PCSK7: variants seen among roughly 807,000 people sequenced by gnomAD.
PCSK7 encodes proprotein convertase subtilisin/kexin type 7, also known as lymphoma proprotein convertase.
PCSK7 carries 38 observed loss-of-function variants against 73.3 expected under a neutral mutation model. The ratio of observed to expected loss-of-function variants is 0.52; its 90% CI spans 0.40 to 0.68. The LOEUF (loss-of-function observed/expected upper bound fraction) is 0.68. PCSK7 is among the 30% of genes least tolerant of loss of function. The pLI is 0.00. For synonymous variants in PCSK7, 296 were observed against 383.8 expected (o/e 0.77, Z 2.68); for missense variants, 692 against 991.5 (o/e 0.70, Z 4.06).
intron 12 of PCSK7, chr11:117,212,979 G>A (rs1300392196): frequency 6.6e-6 from 1 of 152,264 alleles, no homozygotes; most frequent in African/African-American, 2.4e-5. Context: ...GCCTCCCAAA[G>A]TGCTGGGATT....
At chr11:117,223,147 G>T in intron 9 of PCSK7, 61 bp downstream of exon 9, 2 of 962,768 alleles carry the variant, frequency 2.1e-6, no homozygotes, top group Non-Finnish European at 3.4e-6. Flanking sequence ...GCGCTGTGAT[G>T]TCTGAGACGT....
At chr11:117,223,430 C>A in intron 8 of PCSK7, 122 bp from the exon 9 acceptor site, 1 of 677,210 alleles carries the variant, frequency 1.5e-6, no homozygotes, top group Non-Finnish European at 2.7e-6. Context: ...GAAACATGAT[C>A]TGAGCGGCCC....
At chr11:117,215,763 C>G (rs2031960273) in intron 12 of PCSK7, 1 of 148,972 alleles carries the variant, frequency 6.7e-6, no homozygotes, top group Non-Finnish European at 1.5e-5. Context: ...GTTGGCCAGG[C>G]TGGTCTTGAA....
intron 4 of PCSK7, among the ~76,000 whole-genome samples, 187 bp from the exon 5 acceptor site, chr11:117,227,509 C>T (rs1317383947): frequency 6.6e-6 from 1 of 152,220 alleles, no homozygotes; most frequent in East Asian, 1.9e-4. Context: ...GTGCCACAAT[C>T]TCAGCTCACT....
At chr11:117,219,251 G>T in intron 10 of PCSK7, 87 bp from the exon 11 acceptor site, 1 of 965,806 alleles carries the variant, frequency 1.0e-6, no homozygotes, top group Non-Finnish European at 1.6e-6. Flanking sequence ...TGCCCTGCTG[G>T]CTGATCCAGT....
At chr11:117,224,583 C>T (rs1354944074) in intron 7 of PCSK7, 118 bp downstream of exon 7, 1 of 871,468 alleles carries the variant, frequency 1.1e-6, no homozygotes, top group East Asian at 2.4e-5. Context: ...GTGTTCTCTT[C>T]CTGAAAGGAG....
intron 12 of PCSK7, chr11:117,213,583 T>A (rs537053683): frequency 6.6e-6 from 1 of 152,206 alleles, no homozygotes; most frequent in African/African-American, 2.4e-5. Context: ...GAGGACAGCA[T>A]TGATGTGGCA....
chr11:117,217,315 T>A (rs995273924), intron 12 of PCSK7: 1 of 152,312 alleles, frequency 6.6e-6, no homozygotes, highest in South Asian at 2.1e-4. Flanking sequence ...TAGCCCTGGA[T>A]AGAAGGTAAA....
intron 5 of PCSK7, chr11:117,226,364 G>T: frequency 3.6e-6 from 1 of 274,764 alleles, no homozygotes; most frequent in Non-Finnish European, 7.2e-6. Context: ...TCGAACTCCT[G>T]ACCTCAAGTG....
chr11:117,218,293 C>G lies in PCSK7; in HGVS notation c.1534+173G>C. On this transcript the variant is annotated intron_variant, in intron 12 of 16. Transcript: ENST00000320934. The surrounding 1 kb of genome is among the most constrained non-coding windows in gnomAD (Gnocchi z 4.0). The stretch of plus-strand genomic sequence containing the variant: ...GGTCTTGTTTAAGCAGCTGGGGGAG[C>G]CAACTCAGAAGCAGTAACATGTCCT... 1 of 385,556 alleles carries G rather than the reference C, an allele frequency of 2.6e-6. No homozygotes were observed. Among genetic ancestry groups the G allele is most frequent in the East Asian group, 4.1e-5 (1 of 24,276 alleles). The allele number at this position is 385,556 out of a possible 1,614,324, so 23.9% of individuals were successfully genotyped here.
chr11:117,230,814 G>A (rs1288957233), intron 1 of PCSK7, among the ~76,000 whole-genome samples: 1 of 152,158 alleles, frequency 6.6e-6, no homozygotes, highest in East Asian at 1.9e-4. Context: ...AAGGATACCA[G>A]GGAAAGTGAA....
rs1319053073 is a variant in PCSK7, at chr11:117,227,239, G to A, written c.687C>T (p.Gly229=). 1.1e-5 allele frequency: 18 copies of A among 1,613,662 alleles called. No homozygotes were observed. The highest frequency in any genetic ancestry group is 1.4e-5 in the Non-Finnish European group (17 of 1,179,684). ...CCGCGATCTCTCCTGCACATCGCGTGCCATGGTGGTTGCCATTCTCCACAT... is the reference window on the plus strand; with the variant it reads ...CCGCGATCTCTCCTGCACATCGCGTACCATGGTGGTTGCCATTCTCCACAT... ...HPDVENGNHH[G]TRCAGEIAAV... is the part of the protein sequence containing the mutation. Residue 229 remains glycine, a synonymous_variant, in exon 5 of 17, where the codon GGC becomes GGT. Transcript: ENST00000320934.
intron 12 of PCSK7, chr11:117,212,758 G>C (rs1347598214): frequency 7.1e-6 from 1 of 139,868 alleles, no homozygotes; most frequent in Middle Eastern, 4.4e-3. Flanking sequence ...TTTGTCGCCA[G>C]ACTGGAGCAC....
At chr11:117,220,019 C>A in intron 9 of PCSK7, 1 of 301,452 alleles carries the variant, frequency 3.3e-6, no homozygotes, top group Non-Finnish European at 6.0e-6. Context: ...AGGGCTGGTC[C>A]TCAGAACAGG....
intron 6 of PCSK7, 161 bp downstream of exon 6, chr11:117,225,770 G>A: frequency 1.6e-6 from 1 of 634,608 alleles, no homozygotes; most frequent in Non-Finnish European, 2.9e-6. Flanking sequence ...TGAGTGCCCA[G>A]TGGCTGGGAA....
intron 6 of PCSK7, chr11:117,225,719 C>T (rs2032395661): frequency 1.7e-6 from 1 of 599,846 alleles, no homozygotes; most frequent in Admixed American, 2.9e-5. Flanking sequence ...CAGGGCTTCT[C>T]ATGTGGCAAT....
At chr11:117,226,985 T>C (rs1441075615) in intron 5 of PCSK7, 172 bp downstream of exon 5, 1 of 520,266 alleles carries the variant, frequency 1.9e-6, no homozygotes, top group Admixed American at 4.1e-5. Flanking sequence ...CACTGAAAAA[T>C]CAATGAGCTG....
rs1172561283 is a variant in PCSK7, at chr11:117,229,804, G to A, written c.41C>T (p.Pro14Leu). The A allele has an allele frequency of 6.3e-7, 1 of 1,598,058 alleles. No individual in the cohort carries two copies. The highest frequency in any genetic ancestry group is 8.5e-7 in the Non-Finnish European group (1 of 1,171,426). ...GRQKVPHLDAPLGLPTCLWLE... is the reference protein window; with the variant it reads ...GRQKVPHLDALLGLPTCLWLE... The stretch of plus-strand genomic sequence containing the variant: ...CCAGAGGCAGGTGGGCAGGCCCAGG[G>A]GGGCATCCAAGTGTGGCACTTTCTG... The change falls in exon 3 of 17, where the codon CCC becomes CTC. Residue 14 changes from proline to leucine, a missense_variant. Transcript: ENST00000320934.
chr11:117,222,178 T>A (rs1453013708), intron 9 of PCSK7: 1 of 152,130 alleles, frequency 6.6e-6, no homozygotes, highest in Non-Finnish European at 1.5e-5. Flanking sequence ...CACTATATGG[T>A]TGCGGGCAAC....
Sources: allele counts gnomAD v4.1 joint callset (sites outside exome capture counted in the v4.1 genomes callset), GRCh38; gene constraint gnomAD v4.1.1; non-coding constraint Gnocchi (gnomAD v3.1); transcripts MANE v1.5; gene names NCBI Gene and HGNC (gene_info 2026-07-23, HGNC 2026-07-21).